Variants in RETREG1 observed in about 807,000 individuals in gnomAD.
RETREG1 encodes reticulophagy regulator 1.
Under a neutral mutation model 54.8 loss-of-function variants are expected in RETREG1, and 44 were observed. The ratio of observed to expected loss-of-function variants is 0.80; its 90% CI spans 0.63 to 1.03. RETREG1 has a LOEUF of 1.03. RETREG1 is among the 50% of genes least tolerant of loss of function. RETREG1 has a pLI of 0.00. For missense variants in RETREG1, 554 were observed against 605.1 expected (o/e 0.92, Z 0.89); for synonymous variants, 217 against 238.5 (o/e 0.91, Z 0.83).
At chr5:16,537,190 C>T (rs553820245) in intron 3 of RETREG1, among the ~76,000 whole-genome samples, 1 of 152,354 alleles carries the variant, frequency 6.6e-6, no homozygotes, top group East Asian at 1.9e-4. Context: ...GTTTAATCCA[C>T]ACTGCGACCT....
At chr5:16,479,273 T>G (rs950584555) in intron 5 of RETREG1, among the ~76,000 whole-genome samples, 9 of 151,958 alleles carry the variant, frequency 5.9e-5, no homozygotes, top group African/African-American at 1.9e-4. Flanking sequence ...AACACACACA[T>G]GCATACCCAC....
rs1738485048 is a variant in RETREG1, at chr5:16,475,225, C to T, written c.1010G>A (p.Arg337Gln). The T allele has an allele frequency of 2.5e-6, 4 of 1,611,820 alleles. No homozygotes were observed. The highest frequency in any genetic ancestry group is 1.7e-5 in the Admixed American group (1 of 59,892). Residue 337 changes from arginine to glutamine, a missense_variant, in exon 9 of 9, where the codon CGA becomes CAA. By Grantham distance (43) the Arg-to-Gln change is conservative. Around this residue, in one of 4 missense-constraint regions of RETREG1, gnomAD observed 347 missense variants for 412.3 expected, o/e 0.84. Transcript: ENST00000306320. ...TCTAGAGAAAACTTCCTCACTGGGT[C>T]GGTCAAGATCTGTGAAATGGATAAC... ...PQTDTSDDLD[R>Q]PSEEVFSRDL...
chr5:16,567,265 G>A (rs1195921936), intron 2 of RETREG1, among the ~76,000 whole-genome samples: 1 of 152,126 alleles, frequency 6.6e-6, no homozygotes, highest in Non-Finnish European at 1.5e-5. Context: ...AGGCATGAAA[G>A]GCCAGGGAGG....
At chr5:16,570,764 C>T (rs971331256) in intron 2 of RETREG1, among the ~76,000 whole-genome samples, 2 of 152,104 alleles carry the variant, frequency 1.3e-5, no homozygotes, top group African/African-American at 4.8e-5. Flanking sequence ...AGCCTGGATA[C>T]GTGTGTGGTA....
chr5:16,508,072 T>C (rs1399279299), intron 3 of RETREG1, among the ~76,000 whole-genome samples: 1 of 152,244 alleles, frequency 6.6e-6, no homozygotes, highest in East Asian at 1.9e-4. Flanking sequence ...ATTAATGTAC[T>C]CCCTGTAAAG....
chr5:16,543,122 C>A (rs1460461274), intron 3 of RETREG1, among the ~76,000 whole-genome samples: 1 of 152,202 alleles, frequency 6.6e-6, no homozygotes, highest in African/African-American at 2.4e-5. Flanking sequence ...TTTTATCCAG[C>A]ATAATTACCT....
intron 3 of RETREG1, among the ~76,000 whole-genome samples, chr5:16,564,820 T>G (rs185025869): frequency 6.6e-6 from 1 of 152,334 alleles, no homozygotes; most frequent in Admixed American, 6.5e-5. Context: ...AAACAGATCA[T>G]GAAATTAACC....
intron 3 of RETREG1, among the ~76,000 whole-genome samples, chr5:16,550,723 G>A (rs1741512133): frequency 6.6e-6 from 1 of 152,206 alleles, no homozygotes. Context: ...GGAACAACCT[G>A]AATGTCCGTC....
chr5:16,538,550 C>A (rs1741142657), intron 3 of RETREG1, among the ~76,000 whole-genome samples: 1 of 152,134 alleles, frequency 6.6e-6, no homozygotes, highest in South Asian at 2.1e-4. Flanking sequence ...AAGATGAGCG[C>A]AGGAAGGCAC....
chr5:16,491,131 G>T (rs557562948), intron 3 of RETREG1, among the ~76,000 whole-genome samples: 1 of 152,064 alleles, frequency 6.6e-6, no homozygotes, highest in Admixed American at 6.6e-5. Flanking sequence ...CACTCTGCCC[G>T]CACTGTCCCA....
chr5:16,568,537 T>G (rs1742084482), intron 2 of RETREG1, among the ~76,000 whole-genome samples: 1 of 152,174 alleles, frequency 6.6e-6, no homozygotes, highest in Admixed American at 6.5e-5. Flanking sequence ...CCTTCCAAAG[T>G]GCTGAGGTCA....
At chr5:16,607,961 C>A (rs1743241382) in intron 1 of RETREG1, among the ~76,000 whole-genome samples, 1 of 151,890 alleles carries the variant, frequency 6.6e-6, no homozygotes. Flanking sequence ...CTCACTGCAA[C>A]CTCTACCTCC....
intron 3 of RETREG1, among the ~76,000 whole-genome samples, chr5:16,496,337 G>C (rs1277128135): frequency 6.6e-6 from 1 of 152,210 alleles, no homozygotes; most frequent in Non-Finnish European, 1.5e-5. Flanking sequence ...TAATGTTGGA[G>C]ACCCAGGCCC....
At chr5:16,553,602 TC>T (rs1211398824) in intron 3 of RETREG1, among the ~76,000 whole-genome samples, 4 of 152,120 alleles carry the variant, frequency 2.6e-5, no homozygotes, top group African/African-American at 9.7e-5. Flanking sequence ...TATTCATATT[TC>T]ATTTAAATAT....
intron 3 of RETREG1, among the ~76,000 whole-genome samples, chr5:16,490,003 C>T (rs1258258512): frequency 2.0e-5 from 3 of 152,102 alleles, no homozygotes; most frequent in African/African-American, 7.2e-5. Flanking sequence ...TATATCAAAG[C>T]TAAAATATTT....
chr5:16,571,503 A>AT (rs34220516), intron 2 of RETREG1, among the ~76,000 whole-genome samples: 65 of 148,710 alleles, frequency 4.4e-4, no homozygotes, highest in East Asian at 8.0e-4. Context: ...CCTCAGGCCA[A>AT]TTTTTTTTTT....
chr5:16,510,683 G>C (rs535125044), intron 3 of RETREG1, among the ~76,000 whole-genome samples: 3 of 151,654 alleles, frequency 2.0e-5, no homozygotes, highest in South Asian at 4.2e-4. Flanking sequence ...CCAGCTACTC[G>C]GGAGGCTGAG....
chr5:16,581,754 C>CTAA (rs3830197), intron 1 of RETREG1, among the ~76,000 whole-genome samples: 1 of 151,514 alleles, frequency 6.6e-6, no homozygotes, highest in African/African-American at 2.4e-5. Flanking sequence ...AGAAAAAAAA[C>CTAA]GATACATTTT....
intron 3 of RETREG1, among the ~76,000 whole-genome samples, chr5:16,528,990 G>C (rs1436920547): frequency 6.6e-6 from 1 of 152,138 alleles, no homozygotes; most frequent in Non-Finnish European, 1.5e-5. Flanking sequence ...TACATATTTT[G>C]AAATTGAGTA....
Sources: gnomAD v4.1 joint callset for allele counts (sites outside exome capture counted in the v4.1 genomes callset) on GRCh38, gnomAD v4.1.1 for gene constraint, gnomAD v4.1.1 regional missense constraint, MANE v1.5 for transcripts, NCBI Gene and HGNC (gene_info 2026-07-23, HGNC 2026-07-21) for gene names.